PDE10A: variants seen among roughly 807,000 people sequenced by gnomAD.
PDE10A encodes phosphodiesterase 10A.
A neutral mutation model predicts 97.7 loss-of-function variants in PDE10A; 39 were observed. That is an observed-to-expected ratio of 0.40 (90% CI 0.31 to 0.52). The LOEUF (loss-of-function observed/expected upper bound fraction) is 0.52. PDE10A is among the 20% of genes least tolerant of loss of function. The pLI, the probability that PDE10A is intolerant of heterozygous loss-of-function variation, is 0.56. For missense variants in PDE10A, 731 were observed against 1,047.8 expected, an observed-to-expected ratio of 0.70 and a Z score of 4.17; for synonymous variants, 371 against 376.8, an observed-to-expected ratio of 0.98 and a Z score of 0.18.
At chr6:165,507,481 T>C (rs16897948) in intron 2 of PDE10A, among the ~76,000 whole-genome samples, 38,054 of 151,906 alleles carry the variant, frequency 0.25, 5,465 homozygotes, top group African/African-American at 0.4. Flanking sequence ...TATCATGATC[T>C]ACCTGGAAGA....
At chr6:165,499,011 C>A (rs1487036687) in intron 2 of PDE10A, among the ~76,000 whole-genome samples, 1 of 152,114 alleles carries the variant, frequency 6.6e-6, no homozygotes, top group Non-Finnish European at 1.5e-5. Context: ...AATATTAAGT[C>A]TCTTCTTGGA....
At chr6:165,906,401 A>G (rs57041750) in intron 1 of PDE10A, among the ~76,000 whole-genome samples, 26,288 of 151,784 alleles carry the variant, frequency 0.17, 2,565 homozygotes, top group East Asian at 0.26. Flanking sequence ...TAGGATCCAC[A>G]GTGCCGAAGT....
At chr6:165,396,822 G>GT (rs1786211919) in intron 13 of PDE10A, among the ~76,000 whole-genome samples, 1 of 152,088 alleles carries the variant, frequency 6.6e-6, no homozygotes, top group Admixed American at 6.5e-5. Context: ...AAAGATCATC[G>GT]TAAGATCTAA....
intron 1 of PDE10A, among the ~76,000 whole-genome samples, chr6:165,689,589 C>A (rs937135619): frequency 1.3e-5 from 2 of 152,114 alleles, no homozygotes; most frequent in Admixed American, 6.5e-5. Flanking sequence ...TTAAAAGGAG[C>A]CTGGCACCTT....
rs564824019 is a variant in PDE10A at position 165,897,734 on chromosome 6, A to T, written c.-615+89795T>A. On this transcript the variant is annotated intron_variant, in intron 1 of 19. Coordinates refer to the PDE10A transcript ENST00000366882. ...CTCTGGGAATCCTGGCACACACTGTAGGTGAGCTCAGGATGTGCCTGTGGG... is the reference window on the plus strand; with the variant it reads ...CTCTGGGAATCCTGGCACACACTGTTGGTGAGCTCAGGATGTGCCTGTGGG... 7.9e-5 allele frequency among the ~76,000 whole-genome samples: 12 copies of T among 150,980 alleles called. No homozygotes were observed. The South Asian group carries it at 1.0e-3, about 13-fold the overall frequency.
intron 1 of PDE10A, among the ~76,000 whole-genome samples, chr6:165,841,460 G>A (rs887811502): frequency 6.6e-6 from 1 of 152,354 alleles, no homozygotes; most frequent in African/African-American, 2.4e-5. Flanking sequence ...CGCCTCCTTC[G>A]CTGTCTCCCA....
intron 3 of PDE10A, 76 bp from the exon 4 acceptor site, chr6:165,450,438 T>C (rs2128249705): frequency 1.5e-6 from 1 of 685,752 alleles, no homozygotes; most frequent in Non-Finnish European, 2.3e-6. Context: ...CTGTAAGACA[T>C]ACTATTAATA....
chr6:165,513,124 T>G (rs1477095325), intron 2 of PDE10A, among the ~76,000 whole-genome samples: 4 of 152,024 alleles, frequency 2.6e-5, no homozygotes, highest in African/African-American at 9.7e-5. Context: ...TATAAGAACT[T>G]TACCCCACCA....
At chr6:165,702,829 A>C (rs1461382663) in intron 1 of PDE10A, among the ~76,000 whole-genome samples, 1 of 152,140 alleles carries the variant, frequency 6.6e-6, no homozygotes, top group Admixed American at 6.5e-5. Context: ...TCTAATCTGC[A>C]CTAGAACCAC....
At chr6:165,408,250 T>C (rs1401549329) in intron 13 of PDE10A, among the ~76,000 whole-genome samples, 1 of 152,246 alleles carries the variant, frequency 6.6e-6, no homozygotes, top group African/African-American at 2.4e-5. Context: ...TGCACAAAGA[T>C]TTTTCATATT....
intron 1 of PDE10A, among the ~76,000 whole-genome samples, chr6:165,907,849 A>C (rs1242053774): frequency 6.6e-6 from 1 of 152,256 alleles, no homozygotes; most frequent in African/African-American, 2.4e-5. Context: ...TCTGCAAAAT[A>C]GTTTGTTCAG....
At chr6:165,826,546 C>G (rs555165029) in intron 1 of PDE10A, among the ~76,000 whole-genome samples, 2 of 142,900 alleles carry the variant, frequency 1.4e-5, no homozygotes, top group Non-Finnish European at 3.2e-5. Context: ...CCTCTGTCCC[C>G]GTCTCTCTCT....
At chr6:165,813,020 C>A (rs146458106) in intron 1 of PDE10A, among the ~76,000 whole-genome samples, 1 of 152,266 alleles carries the variant, frequency 6.6e-6, no homozygotes, top group East Asian at 1.9e-4. Context: ...CCTTGATGAT[C>A]AAGTTAATAA....
chr6:165,584,280 C>T lies in PDE10A; in HGVS notation c.866-40712G>A, dbSNP rs549096616. Among the ~76,000 whole-genome samples, 6 of 152,286 alleles carry T rather than the reference C, an allele frequency of 3.9e-5. No individual in the cohort carries two copies. The South Asian group carries it at 1.0e-3, about 26-fold the overall frequency. ...GACTCAGGCTTCCCTGACCCCTGGG[C>T]CAGTCATGCTCATACACATATGTTC... On this transcript the variant is annotated intron_variant, in intron 1 of 21. Transcript: ENST00000539869.
intron 1 of PDE10A, among the ~76,000 whole-genome samples, chr6:165,803,904 C>A (rs1362539924): frequency 2.6e-5 from 4 of 152,192 alleles, no homozygotes; most frequent in African/African-American, 9.7e-5. Flanking sequence ...TTGGTCTCAT[C>A]ATCTGCCTCC....
rs1172996789 is a variant in PDE10A, at chr6:165,339,320, A to G, written c.2934T>C (p.Pro978=). ...CATCCTTCTTGTCTCTGTCCATCAT[A>G]GGAATAGGCTGTATTCCCAATTTCT... ...EMKKLGIQPI[P]MMDRDKKDEV... Residue 978 remains proline, a synonymous_variant, in exon 20 of 22, where the codon CCT becomes CCC. Transcript: ENST00000539869. 6.2e-7 allele frequency: 1 copy of G among 1,606,606 alleles called. No individual in the cohort carries two copies. Among genetic ancestry groups the G allele is most frequent in the East Asian group, 2.2e-5 (1 of 44,784 alleles).
intron 1 of PDE10A, among the ~76,000 whole-genome samples, chr6:165,823,805 G>A (rs1779650009): frequency 6.6e-6 from 1 of 151,908 alleles, no homozygotes. Context: ...TGGGTGATAG[G>A]AGTTTTCCAG....
At chr6:165,516,227 T>G (rs961740919) in intron 2 of PDE10A, among the ~76,000 whole-genome samples, 2 of 152,186 alleles carry the variant, frequency 1.3e-5, no homozygotes, top group Non-Finnish European at 2.9e-5. Context: ...TTTCCCTCTC[T>G]ATTGAAGCAC....
chr6:165,792,010 G>T (rs771225343), intron 1 of PDE10A, among the ~76,000 whole-genome samples: 1 of 152,134 alleles, frequency 6.6e-6, no homozygotes, highest in Non-Finnish European at 1.5e-5. Flanking sequence ...GGAATCGATC[G>T]GCTGGTCCTG....
Sources: gnomAD v4.1 joint callset for allele counts (sites outside exome capture counted in the v4.1 genomes callset) on GRCh38, gnomAD v4.1.1 for gene constraint, MANE v1.5 for transcripts, NCBI Gene and HGNC (gene_info 2026-07-23, HGNC 2026-07-21) for gene names.